KPNA4: variants seen among roughly 807,000 people sequenced by gnomAD.
KPNA4 encodes the protein karyopherin subunit alpha 4, also known as importin subunit alpha-3.
A neutral mutation model predicts 71.3 loss-of-function variants in KPNA4; 13 were observed. That is an observed-to-expected ratio of 0.18 (90% confidence interval 0.12 to 0.29). The LOEUF (loss-of-function observed/expected upper bound fraction) is 0.29, where lower values mean the gene tolerates loss of function less well. Among genes scored for constraint, KPNA4 ranks in the 10% least tolerant of loss-of-function variants. KPNA4 has a pLI of 1.00. For missense variants in KPNA4, 334 were observed against 603.2 expected (o/e 0.55, Z 4.67); for synonymous variants, 189 against 195.2 (o/e 0.97, Z 0.26).
intron 1 of KPNA4, among the ~76,000 whole-genome samples, chr3:160,548,678 T>C (rs970554111): frequency 6.6e-6 from 1 of 152,212 alleles, no homozygotes; most frequent in Non-Finnish European, 1.5e-5. Context: ...ACATACACAT[T>C]TTATCTATCT....
intron 1 of KPNA4, among the ~76,000 whole-genome samples, chr3:160,540,076 T>G (rs942438378): frequency 2.0e-5 from 3 of 149,494 alleles, no homozygotes; most frequent in Admixed American, 1.4e-4. Context: ...CTCGGCTCAC[T>G]GCAACCTCCG....
intron 7 of KPNA4, 39 bp from the exon 8 acceptor site, chr3:160,528,078 T>A (rs1156860599): frequency 6.8e-7 from 1 of 1,478,550 alleles, no homozygotes; most frequent in Non-Finnish European, 9.4e-7. Context: ...AGGTTGAAGA[T>A]ACCATAAACC....
At position 160,496,946 on chromosome 3, in the gene KPNA4, A is replaced by G. The variant is rs906921604; in HGVS notation, c.*5158T>C. Reference sequence around the variant, plus strand: ...GGCCTGGATTTAAAAGGAATTTTCAAGATTATTGTTAACTTCTGGGTTAAG... The same window carrying G: ...GGCCTGGATTTAAAAGGAATTTTCAGGATTATTGTTAACTTCTGGGTTAAG... On this transcript the variant is annotated 3_prime_UTR_variant, in exon 17 of 17. Coordinates refer to ENST00000334256, the MANE Select transcript of KPNA4 (RefSeq NM_002268.5). 3 of 152,254 alleles carry G rather than the reference A, an allele frequency of 2.0e-5. No individual in the cohort carries two copies. Among genetic ancestry groups the G allele is most frequent in the African/African-American group, 7.2e-5 (3 of 41,480 alleles). The allele number at this position is 152,254 out of a possible 1,614,324, so 9.4% of individuals were successfully genotyped here. A position where few individuals can be genotyped will look rare whatever the true frequency, so the allele number is the denominator to read the frequency against.
intron 12 of KPNA4, 75 bp downstream of exon 12, chr3:160,515,377 A>G (rs1397903490): frequency 6.1e-6 from 8 of 1,301,620 alleles, no homozygotes. Flanking sequence ...AGACATTTCT[A>G]AGACTCTAAT....
intron 1 of KPNA4, among the ~76,000 whole-genome samples, chr3:160,557,773 C>T (rs930189775): frequency 1.3e-5 from 2 of 152,214 alleles, no homozygotes; most frequent in Admixed American, 1.3e-4. Context: ...TTTCTGGGCT[C>T]AAGCGATCCT....
intron 11 of KPNA4, among the ~76,000 whole-genome samples, chr3:160,518,296 C>T (rs1439260347): frequency 3.3e-5 from 5 of 151,322 alleles, no homozygotes; most frequent in African/African-American, 1.2e-4. Flanking sequence ...CTACCACGCC[C>T]GGCTAATTTT....
intron 11 of KPNA4, 110 bp from the exon 12 acceptor site, chr3:160,515,690 CT>C (rs1367394657): frequency 3.3e-6 from 4 of 1,197,858 alleles, no homozygotes; most frequent in African/African-American, 1.5e-5. Context: ...TCTCAGCTCA[CT>C]GTAACCTCTG....
At chr3:160,535,756 A>C (rs928113384) in intron 3 of KPNA4, 52 bp downstream of exon 3, 3 of 1,564,794 alleles carry the variant, frequency 1.9e-6, no homozygotes, top group Non-Finnish European at 2.6e-6. Context: ...ATTAATGTGA[A>C]ATCTTTCACT....
At chr3:160,523,061 TAC>T (rs1461604335) in intron 10 of KPNA4, among the ~76,000 whole-genome samples, 1 of 152,194 alleles carries the variant, frequency 6.6e-6, no homozygotes, top group Non-Finnish European at 1.5e-5. Context: ...TGCAAATAAA[TAC>T]ACAAATTATT....
intron 1 of KPNA4, among the ~76,000 whole-genome samples, chr3:160,562,055 T>A (rs59019790): frequency 6.6e-6 from 1 of 152,154 alleles, no homozygotes; most frequent in Admixed American, 6.5e-5. Flanking sequence ...GACTCTGTAT[T>A]CTTCATCATT....
intron 10 of KPNA4, among the ~76,000 whole-genome samples, chr3:160,524,886 C>A (rs1455736571): frequency 6.6e-6 from 1 of 152,092 alleles, no homozygotes; most frequent in Non-Finnish European, 1.5e-5. Context: ...AAATTCTGGC[C>A]AAAAGGCATA....
chr3:160,551,616 G>T (rs1236031385), intron 1 of KPNA4, among the ~76,000 whole-genome samples: 1 of 150,486 alleles, frequency 6.6e-6, no homozygotes, highest in Non-Finnish European at 1.5e-5. Flanking sequence ...TTAGTTGGAT[G>T]GGGAGTTATC....
intron 7 of KPNA4, 95 bp from the exon 8 acceptor site, chr3:160,528,134 A>G (rs1721497887): frequency 2.6e-6 from 2 of 774,488 alleles, no homozygotes; most frequent in Non-Finnish European, 4.2e-6. Context: ...AAAAAAGGGA[A>G]CCTATAAAAA....
At chr3:160,538,109 CTA>C (rs1197331979) in intron 1 of KPNA4, among the ~76,000 whole-genome samples, 13 of 148,062 alleles carry the variant, frequency 8.8e-5, no homozygotes, top group South Asian at 2.1e-4. Flanking sequence ...CACACACACA[CTA>C]TATATATATA....
intron 15 of KPNA4, among the ~76,000 whole-genome samples, chr3:160,507,068 T>C (rs541524761): frequency 1.3e-5 from 2 of 151,994 alleles, no homozygotes; most frequent in Non-Finnish European, 2.9e-5. Context: ...GAAATTTTCA[T>C]GTTCTGTCTA....
At chr3:160,546,118 A>G (rs1030654788) in intron 1 of KPNA4, among the ~76,000 whole-genome samples, 8 of 151,946 alleles carry the variant, frequency 5.3e-5, no homozygotes, top group Admixed American at 5.2e-4. Flanking sequence ...AATATTTAAA[A>G]CCAGATCACC....
In KPNA4 at chr3:160,532,324, T is replaced by G. The variant is rs190983221; in HGVS notation, c.288-767A>C. Among the ~76,000 whole-genome samples, 6 of 152,302 alleles carry G rather than the reference T, an allele frequency of 3.9e-5. No individual in the cohort carries two copies. In the East Asian group the frequency reaches 1.2e-3, roughly 29 times the overall value. On this transcript the variant is annotated intron_variant, in intron 5 of 16. Coordinates refer to ENST00000334256, the MANE Select transcript of KPNA4 (RefSeq NM_002268.5). ...CACACTAGGTCACAAGAGAGTCAAA[T>G]GACAAAAGCAGGTAGTCTGCTGAAA...
intron 1 of KPNA4, among the ~76,000 whole-genome samples, chr3:160,543,845 C>T (rs2108556731): frequency 6.6e-6 from 1 of 152,088 alleles, no homozygotes; most frequent in Non-Finnish European, 1.5e-5. Context: ...GCCAAAAGGA[C>T]ATGGGAATCC....
intron 7 of KPNA4, among the ~76,000 whole-genome samples, chr3:160,530,570 T>G (rs1324257053): frequency 1.3e-5 from 2 of 152,204 alleles, no homozygotes; most frequent in Non-Finnish European, 1.5e-5. Context: ...TTATTTCTAC[T>G]GATGTCCTAT....
Sources: gnomAD v4.1 joint callset for allele counts (sites outside exome capture counted in the v4.1 genomes callset) on GRCh38, gnomAD v4.1.1 for gene constraint, MANE v1.5 for transcripts, NCBI Gene and HGNC (gene_info 2026-07-23, HGNC 2026-07-21) for gene names.